The following CATSPERD variants were observed in gnomAD, a reference collection of about 807,000 sequenced individuals.
CATSPERD encodes cation channel sperm-associated auxiliary subunit delta.
A neutral mutation model predicts 98.1 loss-of-function variants in CATSPERD; 86 were observed. The ratio of observed to expected loss-of-function variants is 0.88; its 90% confidence interval spans 0.74 to 1.05. The LOEUF (loss-of-function observed/expected upper bound fraction) is 1.05. CATSPERD is among the 50% of genes least tolerant of loss of function. The probability of loss-of-function intolerance (pLI) is 0.00; values close to 1 mark genes in which losing one functional copy is unlikely to be tolerated. For missense variants in CATSPERD, 995 were observed against 1,005.7 expected, an observed-to-expected ratio of 0.99 and a Z score of 0.14; for synonymous variants, 394 against 390.2, an observed-to-expected ratio of 1.01 and a Z score of -0.12.
At chr19:5,757,766 G>A in intron 13 of CATSPERD, 77 bp from the exon 14 acceptor site, 1 of 1,072,838 alleles carries the variant, frequency 9.3e-7, no homozygotes, top group Non-Finnish European at 1.4e-6. Flanking sequence ...AAGGTGTGCT[G>A]GGCTCACTGT....
chr19:5,727,399 T>TAATTTAAAA, intron 3 of CATSPERD, 55 bp downstream of exon 3: 1 of 1,302,196 alleles, frequency 7.7e-7, no homozygotes, highest in Non-Finnish European at 1.1e-6. Context: ...TCTTTAGATT[T>TAATTTAAAA]GCCCCATTCA....
chr19:5,734,557 G>C (rs1251027814), intron 5 of CATSPERD, among the ~76,000 whole-genome samples: 1 of 152,006 alleles, frequency 6.6e-6, no homozygotes, highest in Non-Finnish European at 1.5e-5. Context: ...AGAATCGCTT[G>C]AACCTGGGAG....
At chr19:5,735,477 AT>A (rs533041006) in intron 5 of CATSPERD, among the ~76,000 whole-genome samples, 52,674 of 140,128 alleles carry the variant, frequency 0.38, 9,492 homozygotes, top group Non-Finnish European at 0.41. Flanking sequence ...CGCCCAGCTA[AT>A]TTTTTTTTTT....
chr19:5,748,257 T>TG lies in CATSPERD; in HGVS notation c.904+3dup. The TG allele has an allele frequency of 6.2e-7, 1 of 1,613,132 alleles. No individual in the cohort carries two copies. The highest frequency in any genetic ancestry group is 8.5e-7 in the Non-Finnish European group (1 of 1,179,104). On this transcript the variant is annotated splice_region_variant and intron_variant, in intron 10 of 21. Coordinates refer to ENST00000381624, the MANE Select transcript of CATSPERD (RefSeq NM_152784.4). The stretch of plus-strand genomic sequence containing the variant: ...TCACCATCCACAACATTGCTGTCAG[T>TG]GCGTAGCCGACCCACTGCTAGCCAA...
At chr19:5,772,549 C>A in intron 19 of CATSPERD, 1 of 488,440 alleles carries the variant, frequency 2.0e-6, no homozygotes, top group Non-Finnish European at 3.7e-6. Flanking sequence ...TTCCTTCCAC[C>A]CTGTTATCAA....
chr19:5,756,610 G>C (rs1366700017), intron 13 of CATSPERD, among the ~76,000 whole-genome samples: 1 of 152,064 alleles, frequency 6.6e-6, no homozygotes, highest in Non-Finnish European at 1.5e-5. Flanking sequence ...ATTTAAAGTA[G>C]GCTGGGCTAA....
chr19:5,763,177 T>C, intron 15 of CATSPERD, 38 bp from the exon 16 acceptor site: 1 of 1,517,800 alleles, frequency 6.6e-7, no homozygotes, highest in Non-Finnish European at 9.2e-7. Context: ...TTTACAGGGG[T>C]GCTATTCTCT....
chr19:5,759,286 G>A (rs2056388656), intron 15 of CATSPERD, 142 bp downstream of exon 15: 1 of 806,346 alleles, frequency 1.2e-6, no homozygotes, highest in Non-Finnish European at 2.1e-6. Context: ...CAAGAGCTGG[G>A]CGCGGTGGCT....
At chr19:5,775,686 A>G (rs995852343) in intron 20 of CATSPERD, among the ~76,000 whole-genome samples, 21 of 151,544 alleles carry the variant, frequency 1.4e-4, no homozygotes, top group African/African-American at 4.8e-4. Context: ...AGAAAGAAAG[A>G]AAGAGCAGGG....
rs181164557 is a variant in CATSPERD at position 5,764,092 on chromosome 19, G to A, written c.1506+799G>A. On this transcript the variant is annotated intron_variant, in intron 16 of 21. Coordinates refer to ENST00000381624, the MANE Select transcript of CATSPERD (RefSeq NM_152784.4). ...TTGAACTCCTGACCTTAAGTGATCT[G>A]CCCACCTTGGCCTCCCAAAGTGCTG... is the stretch of plus-strand genomic sequence containing the variant. Among the ~76,000 whole-genome samples, 819 of 151,690 alleles carry A rather than the reference G, an allele frequency of 5.4e-3. 10 individuals are homozygous for A. Among genetic ancestry groups the A allele is most frequent in the African/African-American group, 0.019 (775 of 41,402 alleles).
intron 7 of CATSPERD, among the ~76,000 whole-genome samples, chr19:5,741,952 G>T (rs2055982110): frequency 6.6e-6 from 1 of 151,542 alleles, no homozygotes; most frequent in African/African-American, 2.4e-5. Context: ...CGAGTCACTT[G>T]AACTTGGGAG....
At chr19:5,772,492 G>T in intron 19 of CATSPERD, 1 of 326,176 alleles carries the variant, frequency 3.1e-6, no homozygotes, top group Non-Finnish European at 5.7e-6. Context: ...CTCCCAAAGT[G>T]CTGAGATTAC....
intron 18 of CATSPERD, among the ~76,000 whole-genome samples, chr19:5,768,453 C>T (rs946750843): frequency 2.0e-4 from 31 of 151,962 alleles, no homozygotes; most frequent in Non-Finnish European, 4.3e-4. Flanking sequence ...TCTCCCGCCT[C>T]AGCCTCCTGA....
At chr19:5,756,433 A>G (rs942559985) in intron 13 of CATSPERD, among the ~76,000 whole-genome samples, 3 of 152,230 alleles carry the variant, frequency 2.0e-5, no homozygotes, top group Admixed American at 2.0e-4. Flanking sequence ...GAATCTACCG[A>G]AAGCCACTGA....
At chr19:5,768,306 G>C (rs2056581278) in intron 18 of CATSPERD, 64 bp downstream of exon 18, 1 of 1,199,788 alleles carries the variant, frequency 8.3e-7, no homozygotes, top group African/African-American at 1.6e-5. Context: ...CAAAAGCCAA[G>C]AGCAAATTAG....
At chr19:5,734,629 ACT>A (rs1599522359) in intron 5 of CATSPERD, among the ~76,000 whole-genome samples, 1 of 137,356 alleles carries the variant, frequency 7.3e-6, no homozygotes, top group Non-Finnish European at 1.6e-5. Flanking sequence ...CAAGAGCAAA[ACT>A]CTGTCTCAAA....
intron 2 of CATSPERD, among the ~76,000 whole-genome samples, chr19:5,725,616 T>A (rs1359820515): frequency 6.6e-6 from 1 of 152,174 alleles, no homozygotes; most frequent in African/African-American, 2.4e-5. Context: ...AATTGCATAA[T>A]TTTGGCCAGG....
chr19:5,731,736 C>T (rs1397390837), intron 4 of CATSPERD, among the ~76,000 whole-genome samples: 3 of 150,012 alleles, frequency 2.0e-5, no homozygotes, highest in Admixed American at 6.7e-5. Flanking sequence ...CCACCGCGCC[C>T]GGCTAATTTT....
chr19:5,767,941 C>T (rs942985735), intron 17 of CATSPERD, among the ~76,000 whole-genome samples: 1 of 151,996 alleles, frequency 6.6e-6, no homozygotes, highest in African/African-American at 2.4e-5. Context: ...CGATTAGAGG[C>T]GCGTGATGCC....
Sources: allele counts gnomAD v4.1 joint callset (sites outside exome capture counted in the v4.1 genomes callset), GRCh38; gene constraint gnomAD v4.1.1; transcripts MANE v1.5; gene names NCBI Gene and HGNC (gene_info 2026-07-23, HGNC 2026-07-21).